EEA1: variants seen among roughly 807,000 people sequenced by gnomAD.
The protein encoded by EEA1 is early endosome antigen 1, 162kD.
A neutral mutation model predicts 209.2 loss-of-function variants in EEA1; 111 were observed. The observed-to-expected ratio is 0.53, with a 90% confidence interval of 0.45 to 0.62. EEA1 has a LOEUF of 0.62. Ranked by LOEUF, EEA1 falls within the 20% of genes least tolerant of loss-of-function variation. The pLI, the probability that EEA1 is intolerant of heterozygous loss-of-function variation, is 0.00. For missense variants in EEA1, 1,343 were observed against 1,530.8 expected, an observed-to-expected ratio of 0.88 and a Z score of 2.05; for synonymous variants, 536 against 540.6, an observed-to-expected ratio of 0.99 and a Z score of 0.12.
At chr12:92,786,763 T>G (rs540638350) in intron 22 of EEA1, among the ~76,000 whole-genome samples, 1 of 152,324 alleles carries the variant, frequency 6.6e-6, no homozygotes, top group South Asian at 2.1e-4. Flanking sequence ...TCTAAAGTAC[T>G]ATTTTCTTCA....
intron 1 of EEA1, among the ~76,000 whole-genome samples, chr12:92,900,700 A>C (rs1226533690): frequency 3.4e-5 from 5 of 147,784 alleles, no homozygotes; most frequent in African/African-American, 1.3e-4. Context: ...GCACAGTCTC[A>C]CTCTGTCACC....
At chr12:92,873,576 T>C (rs541605822) in intron 2 of EEA1, among the ~76,000 whole-genome samples, 1 of 152,290 alleles carries the variant, frequency 6.6e-6, no homozygotes, top group East Asian at 1.9e-4. Flanking sequence ...AAATGTTCCT[T>C]GAGTTATCAA....
intron 9 of EEA1, among the ~76,000 whole-genome samples, chr12:92,844,024 A>G (rs1357122009): frequency 6.6e-6 from 1 of 152,088 alleles, no homozygotes; most frequent in Non-Finnish European, 1.5e-5. Context: ...CTTTGATTCT[A>G]AGTTTTGGAA....
intron 5 of EEA1, among the ~76,000 whole-genome samples, chr12:92,855,200 C>T (rs917713253): frequency 2.0e-5 from 3 of 152,166 alleles, no homozygotes; most frequent in Admixed American, 2.0e-4. Flanking sequence ...GAGGCCGAGA[C>T]GGACGGATCA....
chr12:92,778,319 TA>T (rs962946273), intron 25 of EEA1, 140 bp from the exon 26 acceptor site: 9 of 663,124 alleles, frequency 1.4e-5, no homozygotes, highest in African/African-American at 1.1e-4. Flanking sequence ...TACACATTAA[TA>T]AAACTGATTC....
intron 22 of EEA1, among the ~76,000 whole-genome samples, chr12:92,786,417 A>G (rs1054820724): frequency 2.0e-5 from 3 of 152,174 alleles, no homozygotes; most frequent in Non-Finnish European, 2.9e-5. Flanking sequence ...TTTTTTCTTA[A>G]TAACAACTAT....
chr12:92,879,151 C>T (rs183622137), intron 2 of EEA1: 5 of 283,950 alleles, frequency 1.8e-5, no homozygotes, highest in Non-Finnish European at 2.0e-5. Context: ...TAGCAGTATA[C>T]AGGCTGAGCA....
At position 92,773,296 on chromosome 12, in the gene EEA1, CAT is replaced by C. The variant is rs1209712568; in HGVS notation, c.*2713_*2714del. On this transcript the variant is annotated 3_prime_UTR_variant, in exon 29 of 29. Transcript: ENST00000322349. ...AGTTCTCAAAACTATATAAAATAATCATAAAGACTTTTTTAAGAGAGATGGGA... is the reference window on the plus strand; with the variant it reads ...AGTTCTCAAAACTATATAAAATAATCAAAGACTTTTTTAAGAGAGATGGGA... 1 of 152,002 alleles carries C rather than the reference CAT, an allele frequency of 6.6e-6. No homozygotes were observed. The highest frequency in any genetic ancestry group is 1.5e-5 in the Non-Finnish European group (1 of 67,644). 9.4% of individuals were successfully genotyped at this position (152,002 alleles called of 1,614,324 possible).
chr12:92,793,463 CA>C (rs1874506873), intron 21 of EEA1, among the ~76,000 whole-genome samples: 1 of 152,196 alleles, frequency 6.6e-6, no homozygotes, highest in Admixed American at 6.5e-5. Context: ...GTGCAAAAAT[CA>C]CAAGCATTCC....
rs1454053384 is a variant in EEA1, at chr12:92,929,068, G to A, written c.-2C>T. Reference sequence around the variant, plus strand: ...CCTCTGTAAAATCCTCCTTAACATGGTTTAACCACCACCCGGCGCCGCCGC... The same window carrying A: ...CCTCTGTAAAATCCTCCTTAACATGATTTAACCACCACCCGGCGCCGCCGC... On this transcript the variant is annotated 5_prime_UTR_variant, in exon 1 of 29. Coordinates refer to ENST00000322349, the MANE Select transcript of EEA1 (RefSeq NM_003566.4). 6.3e-6 allele frequency: 10 copies of A among 1,592,936 alleles called. No individual in the cohort carries two copies. The highest frequency in any genetic ancestry group is 7.7e-6 in the Non-Finnish European group (9 of 1,170,472).
chr12:92,813,156 GCA>G, intron 15 of EEA1, 63 bp from the exon 16 acceptor site: 1 of 1,046,938 alleles, frequency 9.6e-7, no homozygotes, highest in Non-Finnish European at 1.4e-6. Flanking sequence ...TTGCTTGAAC[GCA>G]CACTCCTTTT....
At chr12:92,829,778 T>TA (rs1270792347) in intron 11 of EEA1, among the ~76,000 whole-genome samples, 1,790 of 71,158 alleles carry the variant, frequency 0.025, 54 homozygotes, top group East Asian at 0.071. Context: ...AACTCTGTCT[T>TA]AAAAAAAAAA....
chr12:92,913,767 T>C (rs1236057094), intron 1 of EEA1, among the ~76,000 whole-genome samples: 6 of 152,162 alleles, frequency 3.9e-5, no homozygotes, highest in Non-Finnish European at 8.8e-5. Context: ...CTAAAGCAAT[T>C]CTCCTGCCTC....
At chr12:92,818,272 C>T (rs558908554) in intron 14 of EEA1, among the ~76,000 whole-genome samples, 1 of 152,140 alleles carries the variant, frequency 6.6e-6, no homozygotes, top group East Asian at 1.9e-4. Context: ...CAAGCGGTGC[C>T]ACAGTCTGGA....
intron 11 of EEA1, 56 bp downstream of exon 11, chr12:92,832,456 T>A: frequency 1.4e-6 from 2 of 1,479,450 alleles, no homozygotes; most frequent in Non-Finnish European, 1.8e-6. Context: ...AACCATCAAG[T>A]ACACGAAGAA....
At chr12:92,852,104 T>G in intron 8 of EEA1, 71 bp downstream of exon 8, 1 of 1,228,636 alleles carries the variant, frequency 8.1e-7, no homozygotes, top group Non-Finnish European at 1.1e-6. Flanking sequence ...ACATTTTCCT[T>G]CAGGGTATGT....
At chr12:92,799,351 AT>A (rs940897406) in intron 20 of EEA1, among the ~76,000 whole-genome samples, 17 of 152,100 alleles carry the variant, frequency 1.1e-4, no homozygotes, top group Admixed American at 3.3e-4. Context: ...AATCTTTATT[AT>A]TTTTTTTAAC....
intron 18 of EEA1, among the ~76,000 whole-genome samples, chr12:92,808,751 G>T (rs1353987467): frequency 1.3e-5 from 2 of 152,094 alleles, no homozygotes; most frequent in African/African-American, 2.4e-5. Context: ...TTATGCCAGA[G>T]AAATGAGCAC....
Position 92,777,982 on chromosome 12 carries a change from C to A in EEA1, c.3852G>T (p.Thr1284=), listed in dbSNP as rs747238685. The A allele has an allele frequency of 6.2e-7, 1 of 1,613,228 alleles. No individual in the cohort carries two copies. The highest frequency in any genetic ancestry group is 1.7e-5 in the Admixed American group (1 of 59,858). The part of the protein sequence containing the change: ...LRGEIAVLEA[T]VQNNQDERRA... ...TCCTTTCATCTTGATTATTCTGAAC[C>A]GTTGCTTCTAATACTGCAATTTCAC... Residue 1284 remains threonine, a synonymous_variant, in exon 26 of 29, where the codon ACG becomes ACT. Transcript: ENST00000322349.
Sources: allele counts gnomAD v4.1 joint callset (sites outside exome capture counted in the v4.1 genomes callset), GRCh38; gene constraint gnomAD v4.1.1; transcripts MANE v1.5; gene names NCBI Gene and HGNC (gene_info 2026-07-23, HGNC 2026-07-21).